Variants in ADGRV1 observed in about 807,000 individuals in gnomAD.
ADGRV1 encodes adhesion G protein-coupled receptor V1, also known as G-protein coupled receptor 98.
In ADGRV1, 359 loss-of-function variants were observed where a neutral mutation model predicts 596.2. The observed-to-expected ratio is 0.60, with a 90% CI of 0.55 to 0.66. The LOEUF is 0.66. Among genes scored for constraint, ADGRV1 ranks in the 30% least tolerant of loss-of-function variants. ADGRV1 has a pLI of 0.00. For missense variants in ADGRV1, 7,274 were observed against 7,575.6 expected (o/e 0.96, Z 1.48); for synonymous variants, 2,681 against 2,679.2 (o/e 1.00, Z -0.02).
At chr5:90,772,983 C>T (rs931892257) in intron 59 of ADGRV1, among the ~76,000 whole-genome samples, 2 of 152,094 alleles carry the variant, frequency 1.3e-5, no homozygotes, top group Non-Finnish European at 2.9e-5. Flanking sequence ...GCCTGGCCAA[C>T]ATGGCAAACC....
At chr5:91,059,412 G>A (rs1474682817) in intron 85 of ADGRV1, among the ~76,000 whole-genome samples, 2 of 152,044 alleles carry the variant, frequency 1.3e-5, no homozygotes, top group South Asian at 2.1e-4. Context: ...TAACCCATCA[G>A]TAAAAGGCTT....
intron 15 of ADGRV1, 47 bp downstream of exon 15, chr5:90,644,916 A>G (rs377094409): frequency 1.7e-5 from 22 of 1,294,226 alleles, no homozygotes; most frequent in Non-Finnish European, 2.1e-5. Context: ...TAGTTGATCA[A>G]TAATTATTTT....
intron 53 of ADGRV1, among the ~76,000 whole-genome samples, chr5:90,751,678 C>T (rs1755271566): frequency 6.6e-6 from 1 of 152,072 alleles, no homozygotes; most frequent in Admixed American, 6.6e-5. Flanking sequence ...GTATATGGCC[C>T]AAATGCTTCT....
intron 85 of ADGRV1, among the ~76,000 whole-genome samples, chr5:91,014,715 T>G (rs954110607): frequency 1.3e-5 from 2 of 152,032 alleles, no homozygotes; most frequent in Non-Finnish European, 2.9e-5. Context: ...TGGTAATTTT[T>G]ATTTCTGTGA....
At chr5:90,581,882 TCTCTA>T (rs1758110068) in intron 1 of ADGRV1, among the ~76,000 whole-genome samples, 2 of 152,242 alleles carry the variant, frequency 1.3e-5, no homozygotes, top group African/African-American at 4.8e-5. Context: ...GTAAATTGTG[TCTCTA>T]CTCTCATTAG....
intron 85 of ADGRV1, among the ~76,000 whole-genome samples, chr5:91,019,674 A>C (rs1465775990): frequency 2.0e-5 from 3 of 151,950 alleles, no homozygotes; most frequent in Non-Finnish European, 4.4e-5. Flanking sequence ...ATTATTTTTT[A>C]ATCCTTAAAT....
intron 67 of ADGRV1, among the ~76,000 whole-genome samples, chr5:90,784,432 C>A (rs1759199952): frequency 6.6e-6 from 1 of 152,130 alleles, no homozygotes; most frequent in Non-Finnish European, 1.5e-5. Flanking sequence ...CAGAGCTGAG[C>A]AATAAACAAC....
intron 87 of ADGRV1, among the ~76,000 whole-genome samples, chr5:91,114,777 G>A (rs933663207): frequency 4.6e-5 from 7 of 152,122 alleles, no homozygotes; most frequent in African/African-American, 1.7e-4. Context: ...TAGCTTCTGA[G>A]CAGCTGCTTT....
intron 77 of ADGRV1, among the ~76,000 whole-genome samples, chr5:90,830,579 C>A (rs1764441930): frequency 6.6e-6 from 1 of 152,072 alleles, no homozygotes; most frequent in Non-Finnish European, 1.5e-5. Context: ...GCCAGCAACT[C>A]TATCATATTT....
chr5:90,791,641 G>C, intron 70 of ADGRV1: 1 of 335,774 alleles, frequency 3.0e-6, no homozygotes, highest in Non-Finnish European at 5.5e-6. Flanking sequence ...GCACACCCAT[G>C]GACATGTGTA....
At chr5:90,763,266 T>TTG in intron 58 of ADGRV1, 39 bp from the exon 59 acceptor site, 1 of 1,422,222 alleles carries the variant, frequency 7.0e-7, no homozygotes, top group Non-Finnish European at 9.3e-7. Flanking sequence ...TCTTTTTGTT[T>TTG]TTTTTTTTGT....
Position 90,811,343 on chromosome 5 carries a change from A to G in ADGRV1, c.16078+5A>G, listed in dbSNP as rs2150232003. On this transcript the variant is annotated splice_donor_5th_base_variant and intron_variant, in intron 74 of 89. Transcript: ENST00000405460. ...TTGCCATGGTTATTATTACAGGTAT[A>G]TCTTTGAAATGATGGAGATAAAAAT... 1 of 1,569,644 alleles carries G rather than the reference A, an allele frequency of 6.4e-7. No individual in the cohort carries two copies. The highest frequency in any genetic ancestry group is 8.6e-7 in the Non-Finnish European group (1 of 1,159,918).
Position 90,788,089 on chromosome 5 carries a change from G to A in ADGRV1, c.13672G>A (p.Gly4558Arg). ...GEIQVNWETV[G>R]PNSQEALLPQ... ...CCCGCAGGTGAACTGGGAGACAGTA[G>A]GACCCAACTCTCAAGAAGCCTTACT... is the stretch of plus-strand genomic sequence containing the variant. The change falls in exon 68 of 90, where the codon GGA (glycine) becomes AGA (arginine). Residue 4558 changes from glycine to arginine, a missense_variant. Around this residue, in one of 5 missense-constraint regions of ADGRV1, gnomAD observed 3,643 missense variants for 3,809.2 expected, o/e 0.96. Coordinates refer to ENST00000405460, the MANE Select transcript of ADGRV1 (RefSeq NM_032119.4). The A allele has an allele frequency of 6.2e-7, 1 of 1,611,180 alleles. No individual in the cohort carries two copies. The highest frequency in any genetic ancestry group is 8.5e-7 in the Non-Finnish European group (1 of 1,178,328).
chr5:90,771,375 C>T (rs1340431196), intron 59 of ADGRV1, among the ~76,000 whole-genome samples: 4 of 152,158 alleles, frequency 2.6e-5, no homozygotes, highest in African/African-American at 4.8e-5. Context: ...TAATTTCTCT[C>T]ACATTTGGGT....
chr5:91,012,521 T>G (rs1782805962), intron 85 of ADGRV1, among the ~76,000 whole-genome samples: 1 of 151,962 alleles, frequency 6.6e-6, no homozygotes, highest in South Asian at 2.1e-4. Context: ...AACCATCTTA[T>G]GACACTTACC....
chr5:91,123,247 A>G (rs945489921), intron 87 of ADGRV1, among the ~76,000 whole-genome samples: 1 of 152,224 alleles, frequency 6.6e-6, no homozygotes. Context: ...GTAACTGTTC[A>G]TTATTATGTT....
At position 90,627,416 on chromosome 5, in the gene ADGRV1, T is replaced by G. The variant is rs2149376532; in HGVS notation, c.878T>G (p.Leu293Arg). Residue 293 changes from leucine (L) to arginine (R), a missense_variant, in exon 7 of 90, where the codon CTG becomes CGG. Physicochemically the swap from Leu to Arg is moderately radical, Grantham distance 102. Coordinates refer to ENST00000405460, the MANE Select transcript of ADGRV1 (RefSeq NM_032119.4). ...CGTGGAAAGGACAACAATGGAAATCTGATTGGATCTGATGAATATGAGGTT... is the reference window on the plus strand; with the variant it reads ...CGTGGAAAGGACAACAATGGAAATCGGATTGGATCTGATGAATATGAGGTT... Reference protein sequence around the residue: ...VVRGKDNNGNLIGSDEYEVSI... With the variant: ...VVRGKDNNGNRIGSDEYEVSI... 2 of 1,613,944 alleles carry G rather than the reference T, an allele frequency of 1.2e-6. No individual in the cohort carries two copies. The highest frequency in any genetic ancestry group is 1.6e-4 in the Middle Eastern group (1 of 6,062).
At chr5:90,969,593 A>G (rs1387942755) in intron 84 of ADGRV1, among the ~76,000 whole-genome samples, 2 of 152,222 alleles carry the variant, frequency 1.3e-5, no homozygotes, top group Admixed American at 6.5e-5. Context: ...GGATGTATTA[A>G]CAAATTATTT....
intron 88 of ADGRV1, among the ~76,000 whole-genome samples, chr5:91,152,936 G>T (rs906641825): frequency 1.2e-4 from 19 of 152,160 alleles, no homozygotes; most frequent in African/African-American, 4.6e-4. Context: ...CGAAATTTAA[G>T]GCCAGGCATG....
Sources: gnomAD v4.1 joint callset for allele counts (sites outside exome capture counted in the v4.1 genomes callset) on GRCh38, gnomAD v4.1.1 for gene constraint, gnomAD v4.1.1 regional missense constraint, MANE v1.5 for transcripts, NCBI Gene and HGNC (gene_info 2026-07-23, HGNC 2026-07-21) for gene names.